The following ZCWPW2 variants were observed in gnomAD, a reference collection of about 807,000 sequenced individuals.
ZCWPW2 encodes the protein zinc finger CW-type PWWP domain protein 2.
Under a neutral mutation model 46.6 loss-of-function variants are expected in ZCWPW2, and 45 were observed. That is an observed-to-expected ratio of 0.96 (90% CI 0.76 to 1.24). The LOEUF (loss-of-function observed/expected upper bound fraction) is 1.24. Ranked by LOEUF, ZCWPW2 falls within the 50% of genes most tolerant of loss-of-function variation. The pLI is 0.00. For synonymous variants in ZCWPW2, 152 were observed against 137.1 expected (o/e 1.11, Z -0.76); for missense variants, 429 against 403.9 (o/e 1.06, Z -0.53).
At chr3:28,381,901 A>G (rs1695119708) in intron 1 of ZCWPW2, among the ~76,000 whole-genome samples, 1 of 152,150 alleles carries the variant, frequency 6.6e-6, no homozygotes, top group Non-Finnish European at 1.5e-5. Flanking sequence ...GTGGTGGTTC[A>G]CACCTCTAAT....
At chr3:28,485,214 A>T (rs1055256144) in intron 5 of ZCWPW2, among the ~76,000 whole-genome samples, 2 of 151,518 alleles carry the variant, frequency 1.3e-5, no homozygotes, top group African/African-American at 4.9e-5. Flanking sequence ...ATTTCCACCT[A>T]TCTCTCTGTT....
At chr3:28,523,148 T>C (rs903542614) in intron 9 of ZCWPW2, among the ~76,000 whole-genome samples, 3 of 152,206 alleles carry the variant, frequency 2.0e-5, no homozygotes, top group Admixed American at 1.3e-4. Context: ...TGTATTATTT[T>C]ATGCTTTCAA....
chr3:28,360,676 TA>T (rs1158227992), intron 1 of ZCWPW2, among the ~76,000 whole-genome samples: 4 of 151,418 alleles, frequency 2.6e-5, no homozygotes, highest in African/African-American at 7.3e-5. Context: ...AATAATGCAT[TA>T]AAAAAAGAGA....
intron 2 of ZCWPW2, among the ~76,000 whole-genome samples, chr3:28,393,336 G>A (rs77194399): frequency 7.9e-5 from 12 of 152,114 alleles, no homozygotes; most frequent in East Asian, 7.7e-4. Context: ...TGATAACTTC[G>A]CTGCTGAATA....
Position 28,348,866 on chromosome 3 carries a change from G to A in ZCWPW2, c.-471G>A, listed in dbSNP as rs1704396888. 7.3e-6 allele frequency: 6 copies of A among 817,840 alleles called. No homozygotes were observed. The highest frequency in any genetic ancestry group is 8.9e-6 in the Non-Finnish European group (6 of 677,012). 50.7% of individuals were successfully genotyped at this position (817,840 alleles called of 1,614,324 possible). A position where few individuals can be genotyped will look rare whatever the true frequency, so the allele number is the denominator to read the frequency against. ...GAGGGGCCGGGCCGACGCGAGAGAA[G>A]GCCCGTTACCCAGCAATACGCGCGC... On this transcript the variant is annotated 5_prime_UTR_variant, in exon 1 of 10. Coordinates refer to ENST00000383768, the MANE Select transcript of ZCWPW2 (RefSeq NM_001040432.4).
intron 1 of ZCWPW2, among the ~76,000 whole-genome samples, chr3:28,386,450 G>C (rs942981723): frequency 6.6e-6 from 1 of 152,064 alleles, no homozygotes; most frequent in Non-Finnish European, 1.5e-5. Context: ...TCCCCAAGCA[G>C]ACTAATAGAT....
chr3:28,399,917 C>G (rs1374993527), intron 2 of ZCWPW2, among the ~76,000 whole-genome samples: 1 of 151,896 alleles, frequency 6.6e-6, no homozygotes, highest in African/African-American at 2.4e-5. Context: ...GCAATGGATC[C>G]AAACCAAGAA....
chr3:28,498,679 T>C (rs1165152667), intron 6 of ZCWPW2, among the ~76,000 whole-genome samples: 1 of 151,962 alleles, frequency 6.6e-6, no homozygotes, highest in African/African-American at 2.4e-5. Flanking sequence ...CTTTAAGTTC[T>C]ATGATACATG....
chr3:28,444,032 G>GA (rs761268063), intron 4 of ZCWPW2, among the ~76,000 whole-genome samples: 10 of 152,056 alleles, frequency 6.6e-5, no homozygotes, highest in Admixed American at 2.0e-4. Flanking sequence ...TAAACTATTA[G>GA]AACCTTTTTT....
chr3:28,417,739 A>G (rs1164440862), intron 3 of ZCWPW2, among the ~76,000 whole-genome samples: 1 of 102,490 alleles, frequency 9.8e-6, no homozygotes, highest in East Asian at 2.7e-4. Flanking sequence ...GTACTCCAGC[A>G]TATAAACAGA....
chr3:28,378,128 TTGCA>T (rs1705560267), intron 1 of ZCWPW2, among the ~76,000 whole-genome samples: 2 of 152,176 alleles, frequency 1.3e-5, no homozygotes, highest in South Asian at 4.1e-4. Flanking sequence ...AATAACAGTT[TTGCA>T]TAGATACAGG....
chr3:28,515,715 C>CTGTGTGTGTGTGTGTGTGTG, intron 8 of ZCWPW2, 94 bp downstream of exon 8: 1 of 665,650 alleles, frequency 1.5e-6, no homozygotes, highest in Non-Finnish European at 2.5e-6. Flanking sequence ...AAAAGATTTC[C>CTGTGTGTGTGTGTGTGTGTG]TGTGTGTGTG....
At chr3:28,482,308 T>C (rs1267994974) in intron 5 of ZCWPW2, among the ~76,000 whole-genome samples, 4 of 152,206 alleles carry the variant, frequency 2.6e-5, no homozygotes, top group African/African-American at 9.6e-5. Context: ...GTTTCTTCCG[T>C]GTATTTGCAT....
chr3:28,367,992 T>G (rs1434821962), intron 1 of ZCWPW2, among the ~76,000 whole-genome samples: 2 of 152,192 alleles, frequency 1.3e-5, no homozygotes, highest in Admixed American at 6.5e-5. Flanking sequence ...GTTTTCCATT[T>G]GCTTGGTAGA....
At chr3:28,349,579 C>A (rs995206465) in intron 1 of ZCWPW2, among the ~76,000 whole-genome samples, 1 of 152,086 alleles carries the variant, frequency 6.6e-6, no homozygotes, top group African/African-American at 2.4e-5. Context: ...GAGTTGCGCC[C>A]GGCTTCCCTG....
At chr3:28,394,568 C>T (rs1695622302) in intron 2 of ZCWPW2, among the ~76,000 whole-genome samples, 1 of 151,936 alleles carries the variant, frequency 6.6e-6, no homozygotes. Flanking sequence ...TAAAAATAGA[C>T]ATATAAGCAA....
chr3:28,358,694 A>G (rs1174064983), intron 1 of ZCWPW2, among the ~76,000 whole-genome samples: 1 of 152,116 alleles, frequency 6.6e-6, no homozygotes, highest in Non-Finnish European at 1.5e-5. Context: ...TCAAAGCGAC[A>G]CATTCCCTTT....
intron 1 of ZCWPW2, among the ~76,000 whole-genome samples, chr3:28,360,067 T>C (rs1485834380): frequency 1.3e-5 from 2 of 151,982 alleles, no homozygotes; most frequent in Non-Finnish European, 2.9e-5. Flanking sequence ...GAAAAATCAT[T>C]GTGTACTGAT....
intron 1 of ZCWPW2, among the ~76,000 whole-genome samples, chr3:28,366,953 G>T (rs1302226878): frequency 6.6e-6 from 1 of 152,162 alleles, no homozygotes; most frequent in Non-Finnish European, 1.5e-5. Context: ...AGTATTCTCT[G>T]ATGGTAGTTT....
Sources: allele counts gnomAD v4.1 joint callset (sites outside exome capture counted in the v4.1 genomes callset), GRCh38; gene constraint gnomAD v4.1.1; transcripts MANE v1.5; gene names NCBI Gene and HGNC (gene_info 2026-07-23, HGNC 2026-07-21).